Variants in PCNX2 observed in about 807,000 individuals in gnomAD.
The protein encoded by PCNX2 is pecanex-like protein 2.
PCNX2 carries 168 observed loss-of-function variants against 223.8 expected under a neutral mutation model. That is an observed-to-expected ratio of 0.75 (90% CI 0.66 to 0.85). The LOEUF (loss-of-function observed/expected upper bound fraction) is 0.85. Among genes scored for constraint, PCNX2 ranks in the 40% least tolerant of loss-of-function variants. PCNX2 has a pLI of 0.00. For synonymous variants in PCNX2, 1,006 were observed against 1,052.6 expected, an observed-to-expected ratio of 0.96 and a Z score of 0.86; for missense variants, 2,507 against 2,675.5, an observed-to-expected ratio of 0.94 and a Z score of 1.39.
Position 233,259,347 on chromosome 1 carries a change from G to A in PCNX2, c.518-3C>T. On this transcript the variant is annotated splice_polypyrimidine_tract_variant and splice_region_variant and intron_variant, in intron 4 of 33. Coordinates refer to ENST00000258229, the MANE Select transcript of PCNX2 (RefSeq NM_014801.4). ...ATGGTCTTCTAATAGAATGACACCT[G>A]AAATGACACATGGCAACTTTATTAG... is the stretch of plus-strand genomic sequence containing the variant. 6.2e-7 allele frequency: 1 copy of A among 1,601,724 alleles called. No homozygotes were observed. Among genetic ancestry groups the A allele is most frequent in the African/African-American group, 1.3e-5 (1 of 74,698 alleles).
chr1:233,082,450 G>C (rs1011904072), intron 23 of PCNX2, among the ~76,000 whole-genome samples: 1 of 152,138 alleles, frequency 6.6e-6, no homozygotes. Context: ...ACTAAAACAA[G>C]GGCATCGAAC....
chr1:233,046,637 T>G (rs922871929), intron 25 of PCNX2, among the ~76,000 whole-genome samples: 18 of 152,170 alleles, frequency 1.2e-4, no homozygotes, highest in African/African-American at 4.3e-4. Flanking sequence ...CAGGTTATAT[T>G]CCTACTGTGG....
chr1:233,183,156 C>G (rs1454253703), intron 15 of PCNX2, among the ~76,000 whole-genome samples: 4 of 152,216 alleles, frequency 2.6e-5, no homozygotes, highest in East Asian at 1.9e-4. Flanking sequence ...AAAAGACATT[C>G]TGGGGCAACC....
At chr1:233,239,846 G>A (rs1658646814) in intron 8 of PCNX2, among the ~76,000 whole-genome samples, 1 of 152,144 alleles carries the variant, frequency 6.6e-6, no homozygotes, top group Non-Finnish European at 1.5e-5. Context: ...CTGTTAGCAG[G>A]CATGGGGGAA....
intron 1 of PCNX2, among the ~76,000 whole-genome samples, chr1:233,293,673 G>A (rs1661901673): frequency 1.3e-5 from 2 of 152,118 alleles, no homozygotes; most frequent in Non-Finnish European, 2.9e-5. Flanking sequence ...GATTAAAAAG[G>A]GCTATCTCTT....
rs1229971990 is a variant in PCNX2, at chr1:233,253,433, C to A, written c.1835-645G>T. Among the ~76,000 whole-genome samples the A allele has an allele frequency of 6.6e-6, 1 of 152,226 alleles. No homozygotes were observed. On this transcript the variant is annotated intron_variant, in intron 5 of 33. Transcript: ENST00000258229. This position sits in a 1 kb window ranked among gnomAD's most constrained non-coding sequence, Gnocchi z 4.2. ...AGTCATAGCACGCTGCAGCTTCAAC[C>A]TCTTGGGCACAAGTGACTCTCCTAT... is the stretch of plus-strand genomic sequence containing the variant.
At chr1:233,128,435 A>G (rs1676229749) in intron 21 of PCNX2, among the ~76,000 whole-genome samples, 1 of 152,028 alleles carries the variant, frequency 6.6e-6, no homozygotes, top group South Asian at 2.1e-4. Flanking sequence ...CTGGGGTGCA[A>G]GCAATTCTCC....
intron 17 of PCNX2, among the ~76,000 whole-genome samples, chr1:233,176,262 T>A (rs977634481): frequency 2.0e-5 from 3 of 152,198 alleles, no homozygotes; most frequent in Non-Finnish European, 4.4e-5. Flanking sequence ...AAAAGAACTT[T>A]TGAAGCTGTC....
intron 25 of PCNX2, among the ~76,000 whole-genome samples, chr1:233,039,722 A>C (rs1671578209): frequency 6.6e-6 from 1 of 152,234 alleles, no homozygotes; most frequent in Non-Finnish European, 1.5e-5. Flanking sequence ...AGGCTATTGA[A>C]AACAAACTGG....
intron 20 of PCNX2, 23 bp from the exon 21 acceptor site, chr1:233,135,213 T>A: frequency 3.1e-6 from 5 of 1,605,002 alleles, no homozygotes; most frequent in Non-Finnish European, 4.3e-6. Flanking sequence ...AAAGAAAAGA[T>A]GCAATCAATG....
intron 9 of PCNX2, among the ~76,000 whole-genome samples, chr1:233,233,492 T>C (rs72750069): frequency 0.018 from 2,657 of 150,870 alleles, 38 homozygotes; most frequent in Middle Eastern, 0.054. Flanking sequence ...CAGCCCTTTA[T>C]AAAAGTGACA....
chr1:233,031,724 C>G (rs1022760162), intron 25 of PCNX2: 14 of 983,438 alleles, frequency 1.4e-5, no homozygotes, highest in Non-Finnish European at 1.7e-5. Flanking sequence ...GATCCCAAAT[C>G]TTCGGATTCC....
chr1:233,320,598 G>C, the PCNX2 span, among the ~76,000 whole-genome samples: 1 of 152,104 alleles, frequency 6.6e-6, no homozygotes, highest in Admixed American at 6.5e-5. Context: ...GATATTCTTT[G>C]ATACCATAAA....
chr1:233,220,757 C>T (rs931797988), intron 10 of PCNX2, among the ~76,000 whole-genome samples: 9 of 151,642 alleles, frequency 5.9e-5, no homozygotes, highest in Admixed American at 2.6e-4. Flanking sequence ...AAAAAGAACC[C>T]GAATCTAATG....
rs530907818 is a variant in PCNX2 at position 233,077,519 on chromosome 1, A to G, written c.4076+12542T>C. Among the ~76,000 whole-genome samples the G allele has an allele frequency of 3.9e-5, 6 of 152,294 alleles. No individual in the cohort carries two copies. In the East Asian group the frequency reaches 1.2e-3, roughly 29 times the overall value. ...ACTATTCTGCACTACTCCTAAAATT[A>G]GGCTTTTTGAAACTTTTCCTACCCA... is the stretch of plus-strand genomic sequence containing the variant. On this transcript the variant is annotated intron_variant, in intron 23 of 33. Coordinates refer to ENST00000258229, the MANE Select transcript of PCNX2 (RefSeq NM_014801.4).
At chr1:233,032,812 T>A (rs1414044148) in intron 25 of PCNX2, among the ~76,000 whole-genome samples, 2 of 152,228 alleles carry the variant, frequency 1.3e-5, no homozygotes, top group African/African-American at 4.8e-5. Flanking sequence ...AAGGATGGCT[T>A]AGACTTGACA....
chr1:233,042,580 C>T (rs192964458), intron 25 of PCNX2, among the ~76,000 whole-genome samples: 1 of 152,328 alleles, frequency 6.6e-6, no homozygotes, highest in Non-Finnish European at 1.5e-5. Flanking sequence ...TATCTTCACA[C>T]TGTAACAGGG....
At chr1:233,066,023 T>TC (rs988344719) in intron 23 of PCNX2, among the ~76,000 whole-genome samples, 2 of 152,018 alleles carry the variant, frequency 1.3e-5, no homozygotes, top group Admixed American at 6.5e-5. Context: ...CAGCATGCAC[T>TC]CCCCCATTCC....
At chr1:233,259,961 A>C (rs1026474732) in intron 4 of PCNX2, 2 of 430,846 alleles carry the variant, frequency 4.6e-6, no homozygotes, top group African/African-American at 4.3e-5. Flanking sequence ...ATTTAGAGAT[A>C]ATTTAAAGTA....
Sources: allele counts gnomAD v4.1 joint callset (sites outside exome capture counted in the v4.1 genomes callset), GRCh38; gene constraint gnomAD v4.1.1; non-coding constraint Gnocchi (gnomAD v3.1); transcripts MANE v1.5; gene names NCBI Gene and HGNC (gene_info 2026-07-23, HGNC 2026-07-21).